The following CAMK2A variants were observed in gnomAD, a reference collection of about 807,000 sequenced individuals.
The protein encoded by CAMK2A is calcium/calmodulin-dependent protein kinase type II subunit alpha.
A neutral mutation model predicts 79.2 loss-of-function variants in CAMK2A; 7 were observed. The observed-to-expected ratio is 0.09, with a 90% CI of 0.05 to 0.17. The LOEUF is 0.17. CAMK2A is among the 10% of genes least tolerant of loss of function. CAMK2A has a pLI of 1.00. For synonymous variants in CAMK2A, 242 were observed against 251.7 expected, an observed-to-expected ratio of 0.96 and a Z score of 0.36; for missense variants, 214 against 646.4, an observed-to-expected ratio of 0.33 and a Z score of 7.25.
intron 12 of CAMK2A, 89 bp from the exon 13 acceptor site, chr5:150,245,290 G>A (rs143593098): frequency 1.5e-5 from 19 of 1,295,004 alleles, no homozygotes; most frequent in South Asian, 4.9e-5. Context: ...ACACGCAGCC[G>A]GAGGGCAGAC....
intron 14 of CAMK2A, among the ~76,000 whole-genome samples, 163 bp from the exon 15 acceptor site, chr5:150,238,911 G>A (rs1227827027): frequency 6.6e-6 from 1 of 152,228 alleles, no homozygotes; most frequent in Non-Finnish European, 1.5e-5. Context: ...GCCTCAAGAC[G>A]GGGAGGGCCC....
At chr5:150,239,831 G>A (rs1755260010) in intron 13 of CAMK2A, 95 bp from the exon 14 acceptor site, 1 of 1,035,154 alleles carries the variant, frequency 9.7e-7, no homozygotes, top group Non-Finnish European at 1.5e-6. Flanking sequence ...GGAGGAGGAT[G>A]GGCCTCGGGG....
At chr5:150,271,168 GC>G (rs1756731593) in intron 2 of CAMK2A, among the ~76,000 whole-genome samples, 1 of 152,218 alleles carries the variant, frequency 6.6e-6, no homozygotes, top group African/African-American at 2.4e-5. Context: ...GCCAATCCAG[GC>G]ATCTGGCCAT....
intron 12 of CAMK2A, among the ~76,000 whole-genome samples, chr5:150,247,093 G>T (rs926459884): frequency 6.6e-6 from 1 of 152,248 alleles, no homozygotes; most frequent in Non-Finnish European, 1.5e-5. Flanking sequence ...TCTCTGCAAA[G>T]CCACATGCCT....
chr5:150,264,900 TG>T (rs1756445868), intron 3 of CAMK2A, 55 bp downstream of exon 3: 13 of 1,374,744 alleles, frequency 9.5e-6, no homozygotes, highest in South Asian at 2.3e-5. Flanking sequence ...CGTGCCAGGG[TG>T]GGCAGGGGAG....
chr5:150,272,305 G>T, intron 2 of CAMK2A, among the ~76,000 whole-genome samples: 1 of 152,264 alleles, frequency 6.6e-6, no homozygotes, highest in East Asian at 1.9e-4. Context: ...TGGCTCACAC[G>T]TGTAATCCCA....
At position 150,256,636 on chromosome 5, in the gene CAMK2A, G is replaced by A; in HGVS notation, c.348C>T (p.Ile116=). ...GCAGCACAGCCTCCAGGATCTGCTG[G>A]ATACAGTGACTAGGGAGAGAGAGAG... ...YYSEADASHC[I]QQILEAVLHC... Residue 116 remains isoleucine, a synonymous_variant, in exon 6 of 19, where the codon ATC becomes ATT. Coordinates refer to ENST00000671881, the MANE Select transcript of CAMK2A (RefSeq NM_015981.4). This position sits in a 1 kb window ranked among gnomAD's most constrained non-coding sequence, Gnocchi z 4.6. The A allele has an allele frequency of 6.2e-7, 1 of 1,613,956 alleles. No individual in the cohort carries two copies. The highest frequency in any genetic ancestry group is 1.1e-5 in the South Asian group (1 of 91,064).
At chr5:150,255,551 G>A (rs1249067233) in intron 6 of CAMK2A, among the ~76,000 whole-genome samples, 1 of 152,242 alleles carries the variant, frequency 6.6e-6, no homozygotes, top group African/African-American at 2.4e-5. Context: ...CCAAGCTGGA[G>A]GTTTGGTCTC....
At position 150,256,844 on chromosome 5, in the gene CAMK2A, G is replaced by A. The variant is rs202184755; in HGVS notation, c.273-13C>T. 6.8e-5 allele frequency: 109 copies of A among 1,611,342 alleles called. No homozygotes were observed. In the African/African-American group the frequency reaches 1.3e-3, roughly 20 times the overall value. On this transcript the variant is annotated splice_polypyrimidine_tract_variant and intron_variant, in intron 4 of 18. Transcript: ENST00000671881. This position sits in a 1 kb window ranked among gnomAD's most constrained non-coding sequence, Gnocchi z 4.6. ...CCCACCAGTGACCCTGGGGAGACAG[G>A]CATGGAATCACCCTCTAATAGAGGC...
rs373109150 is a variant in CAMK2A, at chr5:150,247,768, C to A, written c.943+4G>T. On this transcript the variant is annotated splice_donor_region_variant and intron_variant, in intron 12 of 18. Transcript: ENST00000671881. Reference sequence around the variant, plus strand: ...ACTGGGGACCCTGAGGTCCTGCCACCTACCGGAGAAGTTCCTGGTGGCCAG... The same window carrying A: ...ACTGGGGACCCTGAGGTCCTGCCACATACCGGAGAAGTTCCTGGTGGCCAG... 3.4e-5 allele frequency: 55 copies of A among 1,610,392 alleles called. No individual in the cohort carries two copies. The highest frequency in any genetic ancestry group is 4.6e-5 in the Non-Finnish European group (54 of 1,178,696).
chr5:150,238,803 T>C (rs1229328191), intron 14 of CAMK2A, 55 bp from the exon 15 acceptor site: 2 of 1,477,082 alleles, frequency 1.4e-6, no homozygotes, highest in South Asian at 1.3e-5. Flanking sequence ...GGACGAGGCA[T>C]GGCCAGGCCC....
At chr5:150,283,351 A>T (rs1467795904) in intron 1 of CAMK2A, among the ~76,000 whole-genome samples, 1 of 151,760 alleles carries the variant, frequency 6.6e-6, no homozygotes, top group Admixed American at 6.6e-5. Flanking sequence ...CCTCTGGTTA[A>T]CTCTTCCTCC....
At chr5:150,275,569 G>A (rs1756912281) in intron 1 of CAMK2A, among the ~76,000 whole-genome samples, 1 of 152,160 alleles carries the variant, frequency 6.6e-6, no homozygotes. Flanking sequence ...TGTCCACCCA[G>A]CTAGTGACTG....
intron 3 of CAMK2A, among the ~76,000 whole-genome samples, chr5:150,264,255 G>A (rs1182757154): frequency 6.6e-6 from 1 of 152,182 alleles, no homozygotes; most frequent in Non-Finnish European, 1.5e-5. Context: ...GAGGATGGGG[G>A]GAAGTGATTC....
At chr5:150,228,158 A>G (rs748310058) in intron 17 of CAMK2A, 34 bp downstream of exon 17, 1 of 1,551,542 alleles carries the variant, frequency 6.4e-7, no homozygotes, top group East Asian at 2.2e-5. Flanking sequence ...ACGAGAGCAG[A>G]CAACAGGCAC....
chr5:150,224,448 G>A (rs1479215945), intron 17 of CAMK2A, among the ~76,000 whole-genome samples: 1 of 152,118 alleles, frequency 6.6e-6, no homozygotes, highest in Non-Finnish European at 1.5e-5. Context: ...AGCCAGGTTT[G>A]TGAGCCACTT....
At chr5:150,260,037 T>C (rs1418989550) in intron 3 of CAMK2A, among the ~76,000 whole-genome samples, 1 of 152,192 alleles carries the variant, frequency 6.6e-6, no homozygotes, top group Non-Finnish European at 1.5e-5. Flanking sequence ...AGATATCCAC[T>C]ACCTAGGTTC....
At chr5:150,247,151 G>A (rs1178512855) in intron 12 of CAMK2A, among the ~76,000 whole-genome samples, 1 of 152,266 alleles carries the variant, frequency 6.6e-6, no homozygotes, top group Non-Finnish European at 1.5e-5. Flanking sequence ...TTGGCCAAGG[G>A]CCTGGGACGC....
Position 150,257,633 on chromosome 5 carries a change from G to A in CAMK2A, c.218-16C>T. On this transcript the variant is annotated splice_polypyrimidine_tract_variant and intron_variant, in intron 3 of 18. Coordinates refer to ENST00000671881, the MANE Select transcript of CAMK2A (RefSeq NM_015981.4). ...TGTAGTCGGACTGTGGGCGGGGCAA[G>A]GCAGTTGGTTACAGTGGGACACACT... 1.9e-6 allele frequency: 3 copies of A among 1,560,500 alleles called. No individual in the cohort carries two copies. Among genetic ancestry groups the A allele is most frequent in the Non-Finnish European group, 2.6e-6 (3 of 1,151,924 alleles).
Sources: allele counts gnomAD v4.1 joint callset (sites outside exome capture counted in the v4.1 genomes callset), GRCh38; gene constraint gnomAD v4.1.1; non-coding constraint Gnocchi (gnomAD v3.1); transcripts MANE v1.5; gene names NCBI Gene and HGNC (gene_info 2026-07-23, HGNC 2026-07-21).